Variants in CPEB3 observed in about 807,000 individuals in gnomAD.
CPEB3 encodes cytoplasmic polyadenylation element binding protein 3.
Under a neutral mutation model 67.2 loss-of-function variants are expected in CPEB3, and 20 were observed. The observed-to-expected ratio is 0.30, with a 90% CI of 0.21 to 0.43. The LOEUF is 0.43. CPEB3 is among the 20% of genes least tolerant of loss of function. The pLI, the probability that CPEB3 is intolerant of heterozygous loss-of-function variation, is 1.00. For synonymous variants in CPEB3, 376 were observed against 393.1 expected (o/e 0.96, Z 0.51); for missense variants, 746 against 968.6 (o/e 0.77, Z 3.05).
chr10:92,227,841 T>C (rs1393724832), intron 2 of CPEB3, among the ~76,000 whole-genome samples: 1 of 152,134 alleles, frequency 6.6e-6, no homozygotes, highest in Non-Finnish European at 1.5e-5. Context: ...TCCACCCGCC[T>C]TGGCCTCCCA....
intron 1 of CPEB3, among the ~76,000 whole-genome samples, chr10:92,276,221 C>A (rs1445593402): frequency 2.6e-5 from 4 of 151,548 alleles, no homozygotes; most frequent in Admixed American, 6.6e-5. Flanking sequence ...AGTTGATGGA[C>A]AATTGGGTTG....
At chr10:92,064,968 G>C (rs1010904300) in intron 9 of CPEB3, among the ~76,000 whole-genome samples, 2 of 152,122 alleles carry the variant, frequency 1.3e-5, no homozygotes, top group East Asian at 1.9e-4. Context: ...AGGTTACTTC[G>C]AGAAATCAGA....
intron 1 of CPEB3, among the ~76,000 whole-genome samples, chr10:92,267,226 G>C (rs1274428492): frequency 1.3e-5 from 2 of 152,128 alleles, no homozygotes; most frequent in African/African-American, 4.8e-5. Flanking sequence ...AAATATTTTA[G>C]GCTTTGTTAA....
At chr10:92,070,822 T>G (rs954937410) in intron 9 of CPEB3, among the ~76,000 whole-genome samples, 6 of 145,532 alleles carry the variant, frequency 4.1e-5, no homozygotes, top group African/African-American at 1.5e-4. Context: ...AATAAAAAAC[T>G]CATATATAAG....
At chr10:92,150,256 CT>C (rs1191378027) in intron 4 of CPEB3, among the ~76,000 whole-genome samples, 430 of 143,872 alleles carry the variant, frequency 3.0e-3, no homozygotes, top group Non-Finnish European at 2.5e-3. Context: ...CTCTCTCTCT[CT>C]TTTTTTTTTT....
chr10:92,126,753 T>C (rs373703580), intron 6 of CPEB3, among the ~76,000 whole-genome samples: 24 of 152,304 alleles, frequency 1.6e-4, no homozygotes, highest in Admixed American at 4.6e-4. Context: ...CCAGGTAAAA[T>C]AGTATAAACT....
chr10:92,228,960 C>T (rs375103299), intron 2 of CPEB3, among the ~76,000 whole-genome samples: 1 of 151,978 alleles, frequency 6.6e-6, no homozygotes, highest in African/African-American at 2.4e-5. Context: ...GATCCGCCCA[C>T]CTTGGCCTCC....
rs572507328 is a variant in CPEB3, at chr10:92,201,438, G to C, written c.1006-8802C>G. Among the ~76,000 whole-genome samples the C allele has an allele frequency of 1.2e-4, 18 of 152,344 alleles. No individual in the cohort carries two copies. In the South Asian group the frequency reaches 3.7e-3, roughly 32 times the overall value. ...AGCTACCTGGGAGGCTGAGGCAGGA[G>C]AATCACTGGAACCCGGGAGGCAGAC... is the stretch of plus-strand genomic sequence containing the variant. On this transcript the variant is annotated intron_variant, in intron 2 of 9. Transcript: ENST00000265997.
chr10:92,129,081 G>C (rs1362649529), intron 6 of CPEB3, among the ~76,000 whole-genome samples: 1 of 152,194 alleles, frequency 6.6e-6, no homozygotes, highest in Non-Finnish European at 1.5e-5. Context: ...CAAAGACATG[G>C]AATCAACCTA....
intron 1 of CPEB3, among the ~76,000 whole-genome samples, chr10:92,266,905 G>A (rs761171595): frequency 2.0e-5 from 3 of 152,006 alleles, no homozygotes; most frequent in Non-Finnish European, 1.5e-5. Context: ...GTGGTGGCAG[G>A]CACCTGTAAT....
chr10:92,198,485 T>C lies in CPEB3; in HGVS notation c.1006-5849A>G, dbSNP rs961572425. ...GTCCGCCTCTAACAGCCCTAACCCA[T>C]TCACCTGCCCTTTTCTTGGAAGAGG... On this transcript the variant is annotated intron_variant, in intron 2 of 9. Coordinates refer to ENST00000265997, the MANE Select transcript of CPEB3 (RefSeq NM_014912.5). Among the ~76,000 whole-genome samples the C allele has an allele frequency of 7.2e-5, 11 of 152,192 alleles. No homozygotes were observed. The South Asian group carries it at 1.0e-3, about 14-fold the overall frequency.
chr10:92,253,463 CAAAAAAAAA>C (rs370091703), intron 1 of CPEB3, among the ~76,000 whole-genome samples: 3 of 76,852 alleles, frequency 3.9e-5, no homozygotes, highest in Admixed American at 3.5e-4. Context: ...TGTCTCAAAA[CAAAAAAAAA>C]AAAAAAAAAA....
chr10:92,226,403 T>C (rs950206902), intron 2 of CPEB3, among the ~76,000 whole-genome samples: 2 of 152,254 alleles, frequency 1.3e-5, no homozygotes, highest in Admixed American at 1.3e-4. Flanking sequence ...GGTTCAACTT[T>C]AATTCCTATC....
intron 6 of CPEB3, among the ~76,000 whole-genome samples, chr10:92,120,782 C>T (rs947231035): frequency 6.6e-6 from 1 of 151,904 alleles, no homozygotes; most frequent in African/African-American, 2.4e-5. Context: ...CTCACTGCAA[C>T]CTCTGCCGCC....
At chr10:92,279,505 A>G (rs1255129494) in intron 1 of CPEB3, among the ~76,000 whole-genome samples, 1 of 152,094 alleles carries the variant, frequency 6.6e-6, no homozygotes, top group Non-Finnish European at 1.5e-5. Flanking sequence ...GCATATGTCT[A>G]TTTATAGCAC....
chr10:92,058,688 C>T (rs1017399631), intron 9 of CPEB3, among the ~76,000 whole-genome samples: 1 of 151,704 alleles, frequency 6.6e-6, no homozygotes, highest in African/African-American at 2.4e-5. Flanking sequence ...GAAAGATAGG[C>T]TCCGATACAA....
At chr10:92,284,036 G>T (rs1206784729) in intron 1 of CPEB3, among the ~76,000 whole-genome samples, 1 of 140,084 alleles carries the variant, frequency 7.1e-6, no homozygotes, top group African/African-American at 2.6e-5. Flanking sequence ...CCAGAATGGG[G>T]TCTCTTTTTT....
At chr10:92,254,253 C>G (rs1483601123) in intron 1 of CPEB3, among the ~76,000 whole-genome samples, 1 of 151,798 alleles carries the variant, frequency 6.6e-6, no homozygotes, top group Non-Finnish European at 1.5e-5. Flanking sequence ...TGCAAAGTTC[C>G]TTGACTTCAA....
At position 92,081,505 on chromosome 10, in the gene CPEB3, CA is replaced by C. The variant is rs536165859; in HGVS notation, c.1688-5del. 639 of 1,342,378 alleles carry C rather than the reference CA, an allele frequency of 4.8e-4. No homozygotes were observed. The highest frequency in any genetic ancestry group is 1.3e-3 in the Admixed American group (60 of 44,618). 83.2% of individuals were successfully genotyped at this position (1,342,378 alleles called of 1,614,324 possible). A position where few individuals can be genotyped will look rare whatever the true frequency, so the allele number is the denominator to read the frequency against. ...TCCATGATCATTGCCAGTTCAACTG[CA>C]AAAAAAAAACAAAACATGGATGTGT... is the stretch of plus-strand genomic sequence containing the variant. On this transcript the variant is annotated splice_region_variant and splice_polypyrimidine_tract_variant and intron_variant, in intron 8 of 9. Coordinates refer to ENST00000265997, the MANE Select transcript of CPEB3 (RefSeq NM_014912.5).
Sources: allele counts gnomAD v4.1 joint callset (sites outside exome capture counted in the v4.1 genomes callset), GRCh38; gene constraint gnomAD v4.1.1; transcripts MANE v1.5; gene names NCBI Gene and HGNC (gene_info 2026-07-23, HGNC 2026-07-21).